Variants in GREP1 observed in about 807,000 individuals in gnomAD.
The protein encoded by GREP1 is glycine-rich extracellular protein 1.
At position 2,992,321 on chromosome 16, in the gene GREP1, A is replaced by G. The variant is rs2072403318; in HGVS notation, c.323-484A>G. ...CCCTGCTCTCCTCTCCCCTATCTTGACTGTTTCCCCTGCATCTATGGCCTT... is the reference window on the plus strand; with the variant it reads ...CCCTGCTCTCCTCTCCCCTATCTTGGCTGTTTCCCCTGCATCTATGGCCTT... On this transcript the variant is annotated intron_variant, in intron 8 of 34. Coordinates refer to ENST00000573315, the Ensembl canonical transcript of GREP1. This position sits in a 1 kb window ranked among gnomAD's most constrained non-coding sequence, Gnocchi z 4.9. 6.5e-6 allele frequency: 1 copy of G among 153,096 alleles called. No individual in the cohort carries two copies. The highest frequency in any genetic ancestry group is 6.5e-5 in the Admixed American group (1 of 15,310). The allele number at this position is 153,096 out of a possible 1,614,324, so 9.5% of individuals were successfully genotyped here. A position where few individuals can be genotyped will look rare whatever the true frequency, so the allele number is the denominator to read the frequency against.
At chr16:2,994,937 C>T (rs1270608501) in exon 13 of GREP1, 12 of 398,940 alleles carry the variant, frequency 3.0e-5, no homozygotes, top group South Asian at 1.3e-4. Context: ...GATTCCAGTA[C>T]AGAATTGGGC....
At chr16:2,995,987 C>T in intron 18 of GREP1, 1 of 393,880 alleles carries the variant, frequency 2.5e-6, no homozygotes, top group Non-Finnish European at 4.5e-6. Flanking sequence ...GGCTGGAGTG[C>T]AGTGGCGCAA....
chr16:2,997,978 C>G (rs2072435389), intron 23 of GREP1, 143 bp downstream of exon 21: 1 of 270,166 alleles, frequency 3.7e-6, no homozygotes, highest in East Asian at 5.9e-5. Flanking sequence ...GGAGCCCAGC[C>G]AGGTGAGGGA....
chr16:2,992,835 G>A lies in GREP1; in HGVS notation c.352+1G>A, dbSNP rs2072405833. The A allele has an allele frequency of 5.0e-6, 2 of 399,074 alleles. No individual in the cohort carries two copies. The highest frequency in any genetic ancestry group is 8.8e-6 in the Non-Finnish European group (2 of 226,148). The allele number at this position is 399,074 out of a possible 1,614,324, so 24.7% of individuals were successfully genotyped here. A position where few individuals can be genotyped will look rare whatever the true frequency, so the allele number is the denominator to read the frequency against. On this transcript the variant is annotated splice_donor_variant, in intron 9 of 34. Coordinates refer to ENST00000573315, the Ensembl canonical transcript of GREP1. LOFTEE classifies it high-confidence loss of function. The surrounding 1 kb of genome is among the most constrained non-coding windows in gnomAD (Gnocchi z 4.9). Reference sequence around the variant, plus strand: ...GCCGCTCAAAATGGCTTTGGACCAGGTAAAGAGGGTGGGGACGGAAGCGGG... The same window carrying A: ...GCCGCTCAAAATGGCTTTGGACCAGATAAAGAGGGTGGGGACGGAAGCGGG...
At chr16:3,000,503 G>C (rs991161571) in intron 31 of GREP1, 5 of 399,158 alleles carry the variant, frequency 1.3e-5, no homozygotes, top group African/African-American at 1.0e-4. Flanking sequence ...CAGTGGAGTG[G>C]GGGAGACAAC....
chr16:3,000,580 C>A (rs890596538), exon 32 of GREP1: 26 of 398,788 alleles, frequency 6.5e-5, no homozygotes, highest in Non-Finnish European at 1.1e-4. Flanking sequence ...TCTGGTGTAC[C>A]CCAAAGCAGC....
exon 24 of GREP1, chr16:2,998,377 C>A (rs2072438217): frequency 2.5e-6 from 1 of 399,354 alleles, no homozygotes; most frequent in East Asian, 3.6e-5. Context: ...ACCTTGAAGC[C>A]TCAGAAGTCA....
intron 23 of GREP1, 45 bp from the exon 22 acceptor site, chr16:2,998,311 C>A (rs1393158583): frequency 1.8e-4 from 73 of 399,078 alleles, no homozygotes; most frequent in Non-Finnish European, 8.0e-5. Context: ...CTACACTCCT[C>A]GGGTGGGCTG....
chr16:2,999,616 C>A (rs779862259), intron 27 of GREP1, among the ~76,000 whole-genome samples: 101 of 151,752 alleles, frequency 6.7e-4, no homozygotes, highest in Non-Finnish European at 1.2e-3. Flanking sequence ...CCATACCTGG[C>A]TAATCTTTGT....
intron 27 of GREP1, among the ~76,000 whole-genome samples, chr16:2,999,651 C>T (rs1596463334): frequency 6.6e-6 from 1 of 152,118 alleles, no homozygotes; most frequent in East Asian, 1.9e-4. Flanking sequence ...GGGGTTTTGT[C>T]ACATTGGACA....
At chr16:2,998,105 T>C (rs2072436308) in intron 23 of GREP1, among the ~76,000 whole-genome samples, 1 of 151,952 alleles carries the variant, frequency 6.6e-6, no homozygotes. Context: ...CATGGGTCTC[T>C]GGCCTGGGAG....
At chr16:2,995,839 T>A (rs182772817) in intron 17 of GREP1, 68 bp downstream of exon 17, 6 of 398,230 alleles carry the variant, frequency 1.5e-5, no homozygotes, top group Non-Finnish European at 2.2e-5. Context: ...ACTCTACTCA[T>A]GCTCCCTCCC....
At chr16:2,997,607 G>A (rs980004675) in intron 22 of GREP1, among the ~76,000 whole-genome samples, 196 bp from the exon 21 acceptor site, 53 of 152,026 alleles carry the variant, frequency 3.5e-4, no homozygotes, top group Admixed American at 4.6e-4. Context: ...TGGGAGGAAA[G>A]GGGGGCCAGG....
chr16:2,991,192 C>T lies in GREP1; in HGVS notation c.322+91C>T. Reference sequence around the variant, plus strand: ...GTCAGGGCACCAGGAGCTGGGAGAGCTGGGCTCTGGAGGGAGGGCAGGGCT... The same window carrying T: ...GTCAGGGCACCAGGAGCTGGGAGAGTTGGGCTCTGGAGGGAGGGCAGGGCT... On this transcript the variant is annotated intron_variant, in intron 8 of 34. Transcript: ENST00000573315. The surrounding 1 kb of genome is among the most constrained non-coding windows in gnomAD (Gnocchi z 4.9). 2 of 398,866 alleles carry T rather than the reference C, an allele frequency of 5.0e-6. No homozygotes were observed. Among genetic ancestry groups the T allele is most frequent in the Non-Finnish European group, 8.8e-6 (2 of 226,112 alleles). The allele number at this position is 398,866 out of a possible 1,614,324, so 24.7% of individuals were successfully genotyped here.
At chr16:2,994,443 A>C in intron 10 of GREP1, 5 of 312,102 alleles carry the variant, frequency 1.6e-5, no homozygotes, top group Non-Finnish European at 2.3e-5. Context: ...CGGGAGGCGG[A>C]GGTTGCAGTG....
rs754964365 is a variant in GREP1 at position 2,996,713 on chromosome 16, G to A, written c.745+8G>A. On this transcript the variant is annotated splice_region_variant and intron_variant, in intron 20 of 34. Transcript: ENST00000573315. ...TGAAGCCTCAGATGCCAGGTGAGGG[G>A]ACTGCCTGTGTCTGTGGCCCCACCT... 1 of 398,708 alleles carries A rather than the reference G, an allele frequency of 2.5e-6. No homozygotes were observed. The allele number at this position is 398,708 out of a possible 1,614,324, so 24.7% of individuals were successfully genotyped here. A position where few individuals can be genotyped will look rare whatever the true frequency, so the allele number is the denominator to read the frequency against.
intron 5 of GREP1, 181 bp from the exon 6 acceptor site, chr16:2,990,371 G>C (rs375833149): frequency 3.1e-4 from 122 of 398,938 alleles, no homozygotes; most frequent in African/African-American, 2.3e-3. Context: ...AGATGGGAGT[G>C]GGGGAGCTGG....
At chr16:2,996,983 A>C (rs2072428140) in exon 21 of GREP1, 2 of 399,142 alleles carry the variant, frequency 5.0e-6, no homozygotes, top group South Asian at 1.3e-4. Context: ...AGGAAGGGGC[A>C]GGGCTGGGGT....
chr16:2,990,150 C>T (rs2072391171), intron 5 of GREP1, 28 bp downstream of exon 5: 4 of 399,010 alleles, frequency 1.0e-5, no homozygotes, highest in Non-Finnish European at 1.8e-5. Flanking sequence ...CCCTCCTTCC[C>T]TCCCTCCCAG....
Sources: gnomAD v4.1 joint callset for allele counts (sites outside exome capture counted in the v4.1 genomes callset) on GRCh38, gnomAD v4.1.1 for gene constraint, Gnocchi (gnomAD v3.1) non-coding constraint, MANE v1.5 for transcripts, NCBI Gene and HGNC (gene_info 2026-07-23, HGNC 2026-07-21) for gene names.